Variants in CEBPZOS observed in about 807,000 individuals in gnomAD.
CEBPZOS encodes protein CEBPZOS.
In CEBPZOS, 10 loss-of-function variants were observed where a neutral mutation model predicts 4.8. The ratio of observed to expected loss-of-function variants is 2.07; its 90% CI spans 1.28 to 3.52. The LOEUF (loss-of-function observed/expected upper bound fraction) is 3.52. Ranked by LOEUF, CEBPZOS falls within the 30% of genes most tolerant of loss-of-function variation. The probability of loss-of-function intolerance (pLI) is 0.00; values close to 1 mark genes in which losing one functional copy is unlikely to be tolerated. For missense variants in CEBPZOS, 98 were observed against 43.6 expected (o/e 2.25, Z -3.51); for synonymous variants, 25 against 14.2 (o/e 1.77, Z -1.72).
chr2:37,205,863 G>T (rs1257776201), downstream of CEBPZOS, among the ~76,000 whole-genome samples: 1 of 152,032 alleles, frequency 6.6e-6, no homozygotes, highest in Non-Finnish European at 1.5e-5. Flanking sequence ...TTTTAAAAAT[G>T]TTAAAAAACA....
Position 37,202,110 on chromosome 2 carries a change from G to T in CEBPZOS, c.*250G>T. The T allele has an allele frequency of 6.0e-6, 2 of 331,572 alleles. No individual in the cohort carries two copies. Among genetic ancestry groups the T allele is most frequent in the Non-Finnish European group, 1.1e-5 (2 of 184,780 alleles). The allele number at this position is 331,572 out of a possible 1,614,324, so 20.5% of individuals were successfully genotyped here. On this transcript the variant is annotated 3_prime_UTR_variant, in exon 5 of 5. Coordinates refer to ENST00000402297, the MANE Select transcript of CEBPZOS (RefSeq NM_001322374.2). ...TTTCAAAAAGAAATGACTAAGGAAGGAAAAGAAACAAATGCTCTAAAGATT... is the reference window on the plus strand; with the variant it reads ...TTTCAAAAAGAAATGACTAAGGAAGTAAAAGAAACAAATGCTCTAAAGATT...
At chr2:37,211,344 AAAC>A in intron 4 of CEBPZOS, 1 of 298,328 alleles carries the variant, frequency 3.4e-6, no homozygotes, top group South Asian at 1.3e-4. Flanking sequence ...AAACCCCTTA[AAAC>A]AAGAAACTTC....
At chr2:37,211,910 A>G (rs757828516) in intron 4 of CEBPZOS, 2 of 1,613,346 alleles carry the variant, frequency 1.2e-6, no homozygotes, top group Admixed American at 3.3e-5. Flanking sequence ...CAACTTCAGC[A>G]AATTCTTCAT....
chr2:37,197,604 G>A (rs1333472449), intron 1 of CEBPZOS, among the ~76,000 whole-genome samples: 1 of 152,230 alleles, frequency 6.6e-6, no homozygotes, highest in East Asian at 1.9e-4. Context: ...GGGCGTGGCG[G>A]CACACGCCTG....
downstream of CEBPZOS, among the ~76,000 whole-genome samples, chr2:37,208,027 G>A (rs1677596556): frequency 6.6e-6 from 1 of 152,050 alleles, no homozygotes; most frequent in South Asian, 2.1e-4. Context: ...ACACCTTTAT[G>A]CACAAAAACT....
At chr2:37,208,869 T>C (rs771313599), downstream of CEBPZOS, 4 of 152,072 alleles carry the variant, frequency 2.6e-5, no homozygotes, top group Admixed American at 6.5e-5. Context: ...ACCGATGATA[T>C]GATAGCATAC....
chr2:37,198,695 T>G (rs1677067765), intron 1 of CEBPZOS: 1 of 152,250 alleles, frequency 6.6e-6, no homozygotes, highest in Admixed American at 6.5e-5. Flanking sequence ...TTCTATTTTC[T>G]TAGCTTATCT....
rs2430491 is a variant in CEBPZOS at position 37,203,964 on chromosome 2, T to A, written c.*2104T>A. The A allele has an allele frequency of 6.6e-6, 1 of 152,198 alleles. No homozygotes were observed. Among genetic ancestry groups the A allele is most frequent in the African/African-American group, 2.4e-5 (1 of 41,430 alleles). 9.4% of individuals were successfully genotyped at this position (152,198 alleles called of 1,614,324 possible). On this transcript the variant is annotated 3_prime_UTR_variant, in exon 5 of 5. Coordinates refer to ENST00000402297, the MANE Select transcript of CEBPZOS (RefSeq NM_001322374.2). ...TGGACATTTAGGTTTTGTCTACTTT[T>A]TGGCATTAATAGTGCTGCTGTGAAC... is the stretch of plus-strand genomic sequence containing the variant.
rs1007671348 is a variant in CEBPZOS at position 37,203,294 on chromosome 2, G to C, written c.*1434G>C. On this transcript the variant is annotated 3_prime_UTR_variant, in exon 5 of 5. Transcript: ENST00000402297. ...TTTTACCCATAAGGGAAATAACATA[G>C]TATCAAGCAATAGTAAAATTATCAG... 6 of 214,318 alleles carry C rather than the reference G, an allele frequency of 2.8e-5. No individual in the cohort carries two copies. The Admixed American group carries it at 3.5e-4, about 12-fold the overall frequency. 13.3% of individuals were successfully genotyped at this position (214,318 alleles called of 1,614,324 possible).
chr2:37,197,412 C>CA (rs1676998181), intron 1 of CEBPZOS: 2 of 152,272 alleles, frequency 1.3e-5, no homozygotes, highest in African/African-American at 4.8e-5. Context: ...TACACCAAGG[C>CA]AGCCGTACAG....
Position 37,199,783 on chromosome 2 carries a change from G to C in CEBPZOS, c.79G>C (p.Ala27Pro). 1 of 717,640 alleles carries C rather than the reference G, an allele frequency of 1.4e-6. No individual in the cohort carries two copies. The highest frequency in any genetic ancestry group is 2.6e-6 in the Non-Finnish European group (1 of 385,096). The allele number at this position is 717,640 out of a possible 1,614,324, so 44.5% of individuals were successfully genotyped here. A position where few individuals can be genotyped will look rare whatever the true frequency, so the allele number is the denominator to read the frequency against. The change falls in exon 2 of 5, where the codon GCA (alanine) becomes CCA (proline). Residue 27 changes from alanine to proline, a missense_variant. Coordinates refer to ENST00000402297, the MANE Select transcript of CEBPZOS (RefSeq NM_001322374.2). ...AGCCGAACTTGTAGGCGTTTTTGGA[G>C]CATATTTTTTGTTTAGCAAGATGCA... ...LVAELVGVFGAYFLFSKMHTS... is the reference protein window; with the variant it reads ...LVAELVGVFGPYFLFSKMHTS...
At chr2:37,213,155 A>C (rs1259063441) in intron 4 of CEBPZOS, among the ~76,000 whole-genome samples, 2 of 152,216 alleles carry the variant, frequency 1.3e-5, no homozygotes, top group African/African-American at 4.8e-5. Context: ...ATTAAGTTTC[A>C]ATCAAAATTT....
chr2:37,200,904 G>A (rs1677194829), intron 2 of CEBPZOS, 144 bp from the exon 3 acceptor site: 1 of 580,340 alleles, frequency 1.7e-6, no homozygotes, highest in South Asian at 2.2e-5. Flanking sequence ...GATCGTTCCT[G>A]GATTACCAGA....
chr2:37,213,891 C>T (rs1180202599), downstream of CEBPZOS: 11 of 1,606,928 alleles, frequency 6.8e-6, no homozygotes, highest in Non-Finnish European at 9.3e-6. Context: ...TCTTCATCAT[C>T]CACGTCTTCT....
downstream of CEBPZOS, chr2:37,208,861 C>T (rs190020797): frequency 5.3e-5 from 8 of 151,972 alleles, no homozygotes; most frequent in East Asian, 3.9e-4. Flanking sequence ...CACTATTCAC[C>T]GATGATATGA....
At chr2:37,205,087 T>TTA (rs1677487592), downstream of CEBPZOS, among the ~76,000 whole-genome samples, 1 of 152,220 alleles carries the variant, frequency 6.6e-6, no homozygotes, top group Non-Finnish European at 1.5e-5. Flanking sequence ...AGATAACGTG[T>TTA]TATAATTTAA....
intron 4 of CEBPZOS, chr2:37,212,377 T>C (rs1198224532): frequency 3.7e-6 from 6 of 1,613,376 alleles, no homozygotes; most frequent in Admixed American, 1.7e-5. Flanking sequence ...GAAACAGTTA[T>C]CATCTTCAAA....
rs1365623735 is a variant in CEBPZOS, at chr2:37,201,936, C to T, written c.*76C>T. 1 of 1,598,750 alleles carries T rather than the reference C, an allele frequency of 6.3e-7. No homozygotes were observed. The highest frequency in any genetic ancestry group is 8.5e-7 in the Non-Finnish European group (1 of 1,172,300). ...AGAAGAAGAAAAGATGAGTGTACTACCACACTGTAGACTCTTGGTGGTCCC... is the reference window on the plus strand; with the variant it reads ...AGAAGAAGAAAAGATGAGTGTACTATCACACTGTAGACTCTTGGTGGTCCC... On this transcript the variant is annotated 3_prime_UTR_variant, in exon 5 of 5. Coordinates refer to ENST00000402297, the MANE Select transcript of CEBPZOS (RefSeq NM_001322374.2).
rs897631070 is a variant in CEBPZOS at position 37,202,496 on chromosome 2, T to G, written c.*636T>G. On this transcript the variant is annotated 3_prime_UTR_variant, in exon 5 of 5. Transcript: ENST00000402297. ...CCTGTTTCTACTAAAAATACAAAAA[T>G]TAGCTGGGCGTGGTGGTGCATGCCT... The G allele has an allele frequency of 3.7e-5, 8 of 217,066 alleles. No individual in the cohort carries two copies. Among genetic ancestry groups the G allele is most frequent in the Admixed American group, 1.1e-4 (2 of 17,504 alleles). 13.4% of individuals were successfully genotyped at this position (217,066 alleles called of 1,614,324 possible).
Sources: gnomAD v4.1 joint callset for allele counts (sites outside exome capture counted in the v4.1 genomes callset) on GRCh38, gnomAD v4.1.1 for gene constraint, MANE v1.5 for transcripts, NCBI Gene and HGNC (gene_info 2026-07-23, HGNC 2026-07-21) for gene names.